The following RB1CC1 variants were observed in gnomAD, a reference collection of about 807,000 sequenced individuals.
RB1CC1 encodes RB1-inducible coiled-coil protein 1.
A neutral mutation model predicts 177.5 loss-of-function variants in RB1CC1; 46 were observed. That is an observed-to-expected ratio of 0.26 (90% confidence interval 0.20 to 0.33). The LOEUF (loss-of-function observed/expected upper bound fraction) is 0.33, where lower values mean the gene tolerates loss of function less well. RB1CC1 is among the 10% of genes least tolerant of loss of function. The pLI, the probability that RB1CC1 is intolerant of heterozygous loss-of-function variation, is 1.00. For synonymous variants in RB1CC1, 666 were observed against 613.6 expected (o/e 1.09, Z -1.26); for missense variants, 1,703 against 1,816.3 (o/e 0.94, Z 1.13).
chr8:52,704,455 TAAA>T (rs370418132), intron 1 of RB1CC1, among the ~76,000 whole-genome samples: 1,629 of 68,426 alleles, frequency 0.024, 36 homozygotes, highest in African/African-American at 0.072. Flanking sequence ...AAGGTGACAT[TAAA>T]AAAAAAAAAA....
At chr8:52,712,360 C>T (rs1262513551) in intron 1 of RB1CC1, among the ~76,000 whole-genome samples, 3 of 152,032 alleles carry the variant, frequency 2.0e-5, no homozygotes, top group Admixed American at 6.5e-5. Context: ...AGTCTAAAAA[C>T]TTTTCTCAGG....
chr8:52,656,201 G>C lies in RB1CC1; in HGVS notation c.3628C>G (p.Gln1210Glu), dbSNP rs1228115242. The C allele has an allele frequency of 6.2e-7, 1 of 1,613,466 alleles. No homozygotes were observed. The highest frequency in any genetic ancestry group is 8.5e-7 in the Non-Finnish European group (1 of 1,179,818). The change falls in exon 15 of 24, where the codon CAG becomes GAG. Residue 1210 changes from glutamine to glutamate, a missense_variant. By Grantham distance (29) the Gln-to-Glu change is conservative (BLOSUM62 2). Transcript: ENST00000025008. ...QQEEKYEAII[Q>E]NLEKDRQKLV... is the part of the protein sequence containing the mutation. Reference sequence around the variant, plus strand: ...TTTTGTCTGTCTTTCTCAAGGTTCTGGATAATAGCTTCGTATTTCTCTTCT... The same window carrying C: ...TTTTGTCTGTCTTTCTCAAGGTTCTCGATAATAGCTTCGTATTTCTCTTCT...
rs1341731208 is a variant in RB1CC1 at position 52,676,219 on chromosome 8, C to T, written c.572+150G>A. The T allele has an allele frequency of 9.1e-6, 6 of 660,752 alleles. No homozygotes were observed. The African/African-American group carries it at 9.4e-5, about 10-fold the overall frequency. The allele number at this position is 660,752 out of a possible 1,614,324, so 40.9% of individuals were successfully genotyped here. A position where few individuals can be genotyped will look rare whatever the true frequency, so the allele number is the denominator to read the frequency against. On this transcript the variant is annotated intron_variant, in intron 6 of 23. Transcript: ENST00000025008. ...CATTTTTTAAATTAAAAACTATAAC[C>T]TACAAATCACTATCAGAAAAGGCTC...
intron 18 of RB1CC1, among the ~76,000 whole-genome samples, 163 bp from the exon 19 acceptor site, chr8:52,636,232 T>C (rs1164228249): frequency 6.6e-6 from 1 of 152,212 alleles, no homozygotes; most frequent in East Asian, 1.9e-4. Context: ...CAATGTTGTA[T>C]ATTCTCTGTA....
intron 22 of RB1CC1, among the ~76,000 whole-genome samples, chr8:52,625,846 A>C (rs1322462858): frequency 1.3e-5 from 2 of 152,238 alleles, no homozygotes; most frequent in Non-Finnish European, 2.9e-5. Context: ...TAGAACTACC[A>C]TAAGTTGGGA....
In RB1CC1 at chr8:52,657,308, C is replaced by T. The variant is rs142662923; in HGVS notation, c.2521G>A (p.Ala841Thr). The T allele has an allele frequency of 2.0e-4, 316 of 1,610,470 alleles. No individual in the cohort carries two copies. The highest frequency in any genetic ancestry group is 2.5e-4 in the Non-Finnish European group (300 of 1,176,958). ...CDFSNSLKCT[A>T]VEIRNIIEKV... ...TCAATAATGTTTCTTATTTCTACTG[C>T]TGTACATTTTAATGAATTTGAGAAG... Residue 841 changes from alanine (A) to threonine (T), a missense_variant, in exon 15 of 24, where the codon GCA (alanine) becomes ACA (threonine). By Grantham distance (58) the Ala-to-Thr change is moderately conservative. Transcript: ENST00000025008.
chr8:52,708,313 G>T (rs1211152836), intron 1 of RB1CC1, among the ~76,000 whole-genome samples: 1 of 151,932 alleles, frequency 6.6e-6, no homozygotes, highest in South Asian at 2.1e-4. Context: ...TAAGGAGATC[G>T]AGACCATCCT....
chr8:52,675,888 GAAAA>G (rs1268855883), intron 6 of RB1CC1, among the ~76,000 whole-genome samples: 1 of 72,178 alleles, frequency 1.4e-5, no homozygotes, highest in Admixed American at 1.7e-4. Context: ...CTCCGTCTCA[GAAAA>G]AAAAAAAAAA....
At chr8:52,658,234 T>G in intron 13 of RB1CC1, 110 bp from the exon 14 acceptor site, 2 of 1,170,366 alleles carry the variant, frequency 1.7e-6, no homozygotes, top group Non-Finnish European at 2.4e-6. Flanking sequence ...ATCATTCCTT[T>G]TTAAATTAAT....
intron 7 of RB1CC1, among the ~76,000 whole-genome samples, chr8:52,672,415 ACT>A (rs1391818611): frequency 5.3e-5 from 8 of 152,054 alleles, no homozygotes; most frequent in African/African-American, 1.9e-4. Context: ...CATATATATA[ACT>A]CTGTTTTGAC....
intron 7 of RB1CC1, among the ~76,000 whole-genome samples, chr8:52,669,604 T>C (rs922614235): frequency 3.3e-5 from 5 of 152,232 alleles, no homozygotes; most frequent in Admixed American, 3.3e-4. Flanking sequence ...TAGGCACCAC[T>C]AGTTTTGCAC....
At chr8:52,665,375 T>C (rs934813394) in intron 8 of RB1CC1, among the ~76,000 whole-genome samples, 1 of 152,194 alleles carries the variant, frequency 6.6e-6, no homozygotes, top group African/African-American at 2.4e-5. Context: ...ATTTTGCTTC[T>C]ATGGCAGGCA....
chr8:52,647,724 G>C (rs1850178438), intron 15 of RB1CC1, among the ~76,000 whole-genome samples: 1 of 152,150 alleles, frequency 6.6e-6, no homozygotes, highest in Admixed American at 6.6e-5. Flanking sequence ...TGAGGTTGGA[G>C]ATGTGAAGGA....
intron 1 of RB1CC1, among the ~76,000 whole-genome samples, chr8:52,688,495 T>C (rs1591092601): frequency 6.6e-6 from 1 of 152,274 alleles, no homozygotes; most frequent in Middle Eastern, 3.4e-3. Flanking sequence ...GGGGAAAAAC[T>C]CCGCCCTAGT....
chr8:52,633,831 G>A (rs1244273995), intron 20 of RB1CC1, among the ~76,000 whole-genome samples: 1 of 152,202 alleles, frequency 6.6e-6, no homozygotes, highest in Non-Finnish European at 1.5e-5. Flanking sequence ...CAATTTGCCT[G>A]GAATCCCAGC....
chr8:52,683,479 T>C (rs1472908877), intron 5 of RB1CC1, 70 bp downstream of exon 5: 2 of 1,309,494 alleles, frequency 1.5e-6, no homozygotes, highest in South Asian at 2.1e-5. Context: ...CTATGCAATT[T>C]AGACTACTGT....
chr8:52,643,422 C>T (rs753861319), intron 16 of RB1CC1, among the ~76,000 whole-genome samples: 2 of 152,020 alleles, frequency 1.3e-5, no homozygotes, highest in Non-Finnish European at 2.9e-5. Context: ...TTGCTTAGGC[C>T]GGACTTGGTG....
At chr8:52,644,245 A>C (rs1849812830) in intron 16 of RB1CC1, among the ~76,000 whole-genome samples, 1 of 152,176 alleles carries the variant, frequency 6.6e-6, no homozygotes, top group South Asian at 2.1e-4. Flanking sequence ...CCTTAAATAA[A>C]TACAACTTAA....
chr8:52,665,931 T>C (rs768163075), intron 8 of RB1CC1, among the ~76,000 whole-genome samples: 1 of 152,122 alleles, frequency 6.6e-6, no homozygotes, highest in Non-Finnish European at 1.5e-5. Flanking sequence ...GAAGGTACAA[T>C]GGAACAGTTT....
Sources: gnomAD v4.1 joint callset for allele counts (sites outside exome capture counted in the v4.1 genomes callset) on GRCh38, gnomAD v4.1.1 for gene constraint, MANE v1.5 for transcripts, NCBI Gene and HGNC (gene_info 2026-07-23, HGNC 2026-07-21) for gene names.